Variants in PRCC observed in about 807,000 individuals in gnomAD.
PRCC encodes proline-rich protein PRCC.
In PRCC, 10 loss-of-function variants were observed where a neutral mutation model predicts 44.0. The ratio of observed to expected loss-of-function variants is 0.23; its 90% CI spans 0.14 to 0.39. The LOEUF (loss-of-function observed/expected upper bound fraction) is 0.39, where lower values mean the gene tolerates loss of function less well. PRCC is among the 10% of genes least tolerant of loss of function. The pLI, the probability that PRCC is intolerant of heterozygous loss-of-function variation, is 1.00. For synonymous variants in PRCC, 278 were observed against 259.5 expected (o/e 1.07, Z -0.69); for missense variants, 573 against 624.7 (o/e 0.92, Z 0.88).
intron 3 of PRCC, among the ~76,000 whole-genome samples, chr1:156,787,450 G>GATATATAT (rs57206380): frequency 8.8e-5 from 11 of 124,918 alleles, no homozygotes; most frequent in African/African-American, 3.6e-4. Flanking sequence ...ATTTGTGATT[G>GATATATAT]ATATATATAT....
At chr1:156,795,297 T>TG (rs1448684061) in intron 5 of PRCC, among the ~76,000 whole-genome samples, 12 of 129,630 alleles carry the variant, frequency 9.3e-5, no homozygotes, top group Non-Finnish European at 1.8e-4. Flanking sequence ...TTTTTTTTTT[T>TG]TTTTTTTTTT....
At chr1:156,774,701 C>T (rs887097876) in intron 1 of PRCC, among the ~76,000 whole-genome samples, 16 of 152,082 alleles carry the variant, frequency 1.1e-4, no homozygotes, top group Non-Finnish European at 2.9e-5. Flanking sequence ...CGCCTGTAAA[C>T]CCCGCACTTT....
intron 1 of PRCC, among the ~76,000 whole-genome samples, chr1:156,776,582 T>C (rs1651837493): frequency 6.6e-6 from 1 of 152,240 alleles, no homozygotes; most frequent in African/African-American, 2.4e-5. Context: ...GATCTGGCCT[T>C]CAATTCTATT....
Position 156,788,659 on chromosome 1 carries a change from C to CT in PRCC, c.1083+1506dup, listed in dbSNP as rs58867718. Among the ~76,000 whole-genome samples, 724 of 95,254 alleles carry CT rather than the reference C, an allele frequency of 7.6e-3. 7 individuals carry two copies. Among genetic ancestry groups the CT allele is most frequent in the African/African-American group, 0.012 (303 of 26,212 alleles). 62.5% of individuals were successfully genotyped at this position (95,254 alleles called of 152,430 possible). A position where few individuals can be genotyped will look rare whatever the true frequency, so the allele number is the denominator to read the frequency against. Reference sequence around the variant, plus strand: ...CGTTTCTCCACAACCTTGCCAGCATCTTTTTTTTTTTTTTTTTTTTTGAGA... The same window carrying CT: ...CGTTTCTCCACAACCTTGCCAGCATCTTTTTTTTTTTTTTTTTTTTTTGAGA... On this transcript the variant is annotated intron_variant, in intron 3 of 6. Coordinates refer to ENST00000271526, the MANE Select transcript of PRCC (RefSeq NM_005973.5).
At chr1:156,779,992 G>A (rs887344241) in intron 1 of PRCC, among the ~76,000 whole-genome samples, 4 of 151,914 alleles carry the variant, frequency 2.6e-5, no homozygotes, top group Non-Finnish European at 5.9e-5. Flanking sequence ...CTGGATTCAA[G>A]CAATTCTTGT....
intron 2 of PRCC, among the ~76,000 whole-genome samples, chr1:156,782,923 G>T (rs80328483): frequency 2.2e-4 from 33 of 150,292 alleles, no homozygotes; most frequent in African/African-American, 7.3e-4. Flanking sequence ...TTTTTTTTTT[G>T]AGATGGAGTT....
rs373249918 is a variant in PRCC at position 156,775,512 on chromosome 1, AT to A, written c.469-6754del. On this transcript the variant is annotated intron_variant, in intron 1 of 6. Transcript: ENST00000271526. ...ATTACAGGCACATGGCCGATTTAAAATTTTTTTTTTTTTTTTGAGACAGAGT... is the reference window on the plus strand; with the variant it reads ...ATTACAGGCACATGGCCGATTTAAAATTTTTTTTTTTTTTTGAGACAGAGT... 2.2e-3 allele frequency among the ~76,000 whole-genome samples: 307 copies of A among 136,586 alleles called. 1 individual carries two copies. Among genetic ancestry groups the A allele is most frequent in the African/African-American group, 3.8e-3 (139 of 36,848 alleles). The allele number at this position is 136,586 out of a possible 152,430, so 89.6% of individuals were successfully genotyped here.
chr1:156,787,324 A>G, intron 3 of PRCC, 150 bp downstream of exon 3: 1 of 896,532 alleles, frequency 1.1e-6, no homozygotes, highest in Non-Finnish European at 1.7e-6. Context: ...TTTATTCTGA[A>G]CCATATTAAT....
intron 3 of PRCC, among the ~76,000 whole-genome samples, chr1:156,788,277 T>G (rs1286310723): frequency 2.0e-5 from 3 of 152,230 alleles, no homozygotes; most frequent in African/African-American, 7.2e-5. Context: ...GTTTCTATGT[T>G]AATTTGCTTA....
At chr1:156,776,147 G>A (rs1434437730) in intron 1 of PRCC, among the ~76,000 whole-genome samples, 5 of 152,230 alleles carry the variant, frequency 3.3e-5, no homozygotes, top group African/African-American at 4.8e-5. Context: ...CTTGAGGACA[G>A]GAATTTGAGA....
chr1:156,784,573 C>T (rs762607047), intron 2 of PRCC, among the ~76,000 whole-genome samples: 1 of 152,160 alleles, frequency 6.6e-6, no homozygotes, highest in Non-Finnish European at 1.5e-5. Context: ...AGTGTGGTTC[C>T]TATGAACCGG....
chr1:156,794,060 C>T (rs544421751), intron 4 of PRCC, among the ~76,000 whole-genome samples: 6 of 149,124 alleles, frequency 4.0e-5, no homozygotes, highest in East Asian at 2.0e-4. Context: ...TGGTTTCAAG[C>T]GATTCTCCTG....
chr1:156,791,039 C>A, intron 3 of PRCC: 1 of 1,312,468 alleles, frequency 7.6e-7, no homozygotes, highest in Non-Finnish European at 1.0e-6. Flanking sequence ...GAGGCCTTGC[C>A]CTTGCCTTCA....
At chr1:156,781,421 A>T (rs1032415747) in intron 1 of PRCC, among the ~76,000 whole-genome samples, 13 of 152,206 alleles carry the variant, frequency 8.5e-5, no homozygotes, top group African/African-American at 2.9e-4. Context: ...TTATTTGCAG[A>T]TATCCAAACC....
chr1:156,794,452 C>T (rs1652590829), intron 4 of PRCC, among the ~76,000 whole-genome samples: 1 of 152,122 alleles, frequency 6.6e-6, no homozygotes. Flanking sequence ...TCTTAGCTTC[C>T]CTTTTCCTGG....
At chr1:156,783,530 G>T (rs1652122405) in intron 2 of PRCC, among the ~76,000 whole-genome samples, 1 of 152,164 alleles carries the variant, frequency 6.6e-6, no homozygotes, top group South Asian at 2.1e-4. Context: ...CAGATCACCT[G>T]AAGTCAGGAG....
intron 1 of PRCC, among the ~76,000 whole-genome samples, chr1:156,770,875 A>G (rs1164269761): frequency 6.6e-6 from 1 of 152,234 alleles, no homozygotes; most frequent in Admixed American, 6.5e-5. Context: ...TTCAATTGAT[A>G]TTGAGCTCTT....
At chr1:156,775,321 C>T (rs537322186) in intron 1 of PRCC, among the ~76,000 whole-genome samples, 1 of 151,624 alleles carries the variant, frequency 6.6e-6, no homozygotes, top group African/African-American at 2.4e-5. Context: ...CCCCTGGGCT[C>T]AAGTGATCCT....
chr1:156,771,176 G>A (rs1196308085), intron 1 of PRCC, among the ~76,000 whole-genome samples: 1 of 152,184 alleles, frequency 6.6e-6, no homozygotes, highest in African/African-American at 2.4e-5. Context: ...AGGACAGAGA[G>A]GGACAGTGCT....
Sources: allele counts gnomAD v4.1 joint callset (sites outside exome capture counted in the v4.1 genomes callset), GRCh38; gene constraint gnomAD v4.1.1; transcripts MANE v1.5; gene names NCBI Gene and HGNC (gene_info 2026-07-23, HGNC 2026-07-21).